The following GDAP1 variants were observed in gnomAD, a reference collection of about 807,000 sequenced individuals.
GDAP1 encodes ganglioside induced differentiation associated protein 1.
GDAP1 carries 34 observed loss-of-function variants against 40.1 expected under a neutral mutation model. The observed-to-expected ratio is 0.85, with a 90% CI of 0.64 to 1.13. The LOEUF is 1.13. Among genes scored for constraint, GDAP1 ranks in the 50% most tolerant of loss-of-function variants. The pLI, the probability that GDAP1 is intolerant of heterozygous loss-of-function variation, is 0.00. For synonymous variants in GDAP1, 170 were observed against 157.4 expected (o/e 1.08, Z -0.60); for missense variants, 374 against 433.7 (o/e 0.86, Z 1.22).
intron 2 of GDAP1, among the ~76,000 whole-genome samples, chr8:74,398,718 G>A (rs566771263): frequency 5.4e-4 from 82 of 152,166 alleles, no homozygotes; most frequent in African/African-American, 1.6e-3. Context: ...TTTGAGATGC[G>A]TCCCATCAAT....
At chr8:74,394,718 G>C (rs561921452) in intron 2 of GDAP1, among the ~76,000 whole-genome samples, 1 of 152,142 alleles carries the variant, frequency 6.6e-6, no homozygotes, top group Non-Finnish European at 1.5e-5. Context: ...GACTCAGAGA[G>C]GGTGCTGCGT....
downstream of GDAP1, among the ~76,000 whole-genome samples, chr8:74,368,960 A>G (rs1809704557): frequency 6.6e-6 from 1 of 152,180 alleles, no homozygotes; most frequent in African/African-American, 2.4e-5. Flanking sequence ...TTTGAAGACC[A>G]CTGCTCTGCA....
At chr8:74,389,078 C>G (rs1178446743) in intron 2 of GDAP1, among the ~76,000 whole-genome samples, 4 of 151,966 alleles carry the variant, frequency 2.6e-5, no homozygotes, top group African/African-American at 9.7e-5. Context: ...TGTGTCTTTT[C>G]TCGTGAGATG....
At chr8:74,421,670 G>T (rs181225336) in intron 2 of GDAP1, among the ~76,000 whole-genome samples, 1 of 152,270 alleles carries the variant, frequency 6.6e-6, no homozygotes, top group East Asian at 1.9e-4. Context: ...GTGAAATCCA[G>T]TGAGTGGTGT....
intron 2 of GDAP1, among the ~76,000 whole-genome samples, chr8:74,483,923 T>G (rs1208854564): frequency 1.3e-5 from 2 of 152,150 alleles, no homozygotes; most frequent in Non-Finnish European, 1.5e-5. Flanking sequence ...TTCCAAGTGG[T>G]CACGGATTTC....
intron 2 of GDAP1, among the ~76,000 whole-genome samples, chr8:74,471,188 T>G (rs952041981): frequency 2.2e-4 from 34 of 152,242 alleles, no homozygotes; most frequent in Admixed American, 5.2e-4. Flanking sequence ...TTTCTCCCAT[T>G]TTGTAGGTTG....
Position 74,351,194 on chromosome 8 carries a change from A to G in GDAP1, c.118-80A>G, listed in dbSNP as rs567425437. On this transcript the variant is annotated intron_variant, in intron 1 of 5. Transcript: ENST00000220822. ...TGTCGGTAACACAGGGAAGCCCAGAAAGGCTGCTTAGCGGTGTCCAGGGAA... is the reference window on the plus strand; with the variant it reads ...TGTCGGTAACACAGGGAAGCCCAGAGAGGCTGCTTAGCGGTGTCCAGGGAA... 5.0e-5 allele frequency: 57 copies of G among 1,141,230 alleles called. No homozygotes were observed. The South Asian group carries it at 5.8e-4, about 12-fold the overall frequency. The allele number at this position is 1,141,230 out of a possible 1,614,324, so 70.7% of individuals were successfully genotyped here.
chr8:74,405,976 A>C (rs1366715977), intron 2 of GDAP1, among the ~76,000 whole-genome samples: 2 of 150,230 alleles, frequency 1.3e-5, no homozygotes, highest in East Asian at 3.9e-4. Context: ...GAAAGTTTCC[A>C]CATGGGAGAT....
At chr8:74,435,036 C>T (rs1806071611) in intron 2 of GDAP1, among the ~76,000 whole-genome samples, 1 of 152,034 alleles carries the variant, frequency 6.6e-6, no homozygotes, top group Non-Finnish European at 1.5e-5. Flanking sequence ...TGAATGGCAG[C>T]CACATGTTTT....
intron 4 of GDAP1, 84 bp downstream of exon 4, chr8:74,362,062 T>G: frequency 6.5e-6 from 5 of 775,096 alleles, no homozygotes; most frequent in African/African-American, 1.7e-5. Context: ...ATTTCTAGAA[T>G]ATCTTCTTTT....
intron 2 of GDAP1, among the ~76,000 whole-genome samples, chr8:74,486,339 T>C (rs1448761472): frequency 6.6e-6 from 1 of 152,224 alleles, no homozygotes; most frequent in Non-Finnish European, 1.5e-5. Flanking sequence ...GCGGTCACTC[T>C]ATTTTGCTGC....
chr8:74,470,585 A>C (rs1351392933), intron 2 of GDAP1, among the ~76,000 whole-genome samples: 1 of 152,218 alleles, frequency 6.6e-6, no homozygotes, highest in Non-Finnish European at 1.5e-5. Flanking sequence ...ACATGAACTC[A>C]TCATTTTTTA....
At chr8:74,428,466 T>C in intron 2 of GDAP1, among the ~76,000 whole-genome samples, 1 of 150,892 alleles carries the variant, frequency 6.6e-6, no homozygotes, top group South Asian at 2.1e-4. Flanking sequence ...TCTTGATTGT[T>C]TTGTTTTTTT....
At chr8:74,477,200 T>C (rs1806641093) in intron 2 of GDAP1, among the ~76,000 whole-genome samples, 1 of 152,232 alleles carries the variant, frequency 6.6e-6, no homozygotes. Flanking sequence ...TTTATTAGGA[T>C]TCTTAGCTCC....
intron 2 of GDAP1, among the ~76,000 whole-genome samples, chr8:74,402,236 A>C (rs1457126961): frequency 1.3e-5 from 2 of 150,298 alleles, no homozygotes; most frequent in Non-Finnish European, 2.9e-5. Context: ...TGCTTTGTTT[A>C]CCTAAGCAAG....
chr8:74,402,258 G>T (rs1810357118), intron 2 of GDAP1, among the ~76,000 whole-genome samples: 1 of 150,636 alleles, frequency 6.6e-6, no homozygotes, highest in East Asian at 1.9e-4. Flanking sequence ...CTGGGCAATG[G>T]CGGGCGCCCC....
chr8:74,434,403 A>G (rs1806063652), intron 2 of GDAP1, among the ~76,000 whole-genome samples: 1 of 152,228 alleles, frequency 6.6e-6, no homozygotes, highest in Non-Finnish European at 1.5e-5. Context: ...TGTTCTCATG[A>G]AGTAATTAGA....
rs141463479 is a variant in GDAP1 at position 74,467,333 on chromosome 8, G to T, written c.166-21345G>T. 5.0e-3 allele frequency among the ~76,000 whole-genome samples: 762 copies of T among 152,304 alleles called. 4 individuals are homozygous for T. Among genetic ancestry groups the T allele is most frequent in the African/African-American group, 0.018 (732 of 41,550 alleles). Reference sequence around the variant, plus strand: ...AATTAAAGTGAGAACACTTAGCATGGTTAAATGGTTTCTGAGCCAGGTTCA... The same window carrying T: ...AATTAAAGTGAGAACACTTAGCATGTTTAAATGGTTTCTGAGCCAGGTTCA... On this transcript the variant is annotated intron_variant, in intron 2 of 2. Coordinates refer to the GDAP1 transcript ENST00000523640.
Position 74,366,048 on chromosome 8 carries a change from C to T in GDAP1, c.*1681C>T, listed in dbSNP as rs1198860229. On this transcript the variant is annotated 3_prime_UTR_variant, in exon 6 of 6. Transcript: ENST00000220822. ...ATAAGAATTGGATTTTTATAAAAACCTCTGAAGGATATTTACCTATGAAAA... is the reference window on the plus strand; with the variant it reads ...ATAAGAATTGGATTTTTATAAAAACTTCTGAAGGATATTTACCTATGAAAA... 6.7e-6 allele frequency: 3 copies of T among 448,218 alleles called. No homozygotes were observed. The highest frequency in any genetic ancestry group is 1.3e-5 in the Non-Finnish European group (3 of 225,324). 27.8% of individuals were successfully genotyped at this position (448,218 alleles called of 1,614,324 possible).
Sources: gnomAD v4.1 joint callset for allele counts (sites outside exome capture counted in the v4.1 genomes callset) on GRCh38, gnomAD v4.1.1 for gene constraint, MANE v1.5 for transcripts, NCBI Gene and HGNC (gene_info 2026-07-23, HGNC 2026-07-21) for gene names.